PXDNL: variants seen among roughly 807,000 people sequenced by gnomAD.
PXDNL encodes probable oxidoreductase PXDNL.
Under a neutral mutation model 150.8 loss-of-function variants are expected in PXDNL, and 145 were observed. The ratio of observed to expected loss-of-function variants is 0.96; its 90% CI spans 0.84 to 1.10. PXDNL has a LOEUF of 1.10. Ranked by LOEUF, PXDNL falls within the 50% of genes least tolerant of loss-of-function variation. PXDNL has a pLI of 0.00. For missense variants in PXDNL, 2,087 were observed against 1,873.9 expected, an observed-to-expected ratio of 1.11 and a Z score of -2.10; for synonymous variants, 757 against 725.7, an observed-to-expected ratio of 1.04 and a Z score of -0.69.
intron 3 of PXDNL, among the ~76,000 whole-genome samples, chr8:51,588,104 G>A (rs1294604820): frequency 1.3e-5 from 2 of 151,992 alleles, no homozygotes; most frequent in African/African-American, 4.8e-5. Context: ...AAATAGCCAA[G>A]GAACAAACAA....
In PXDNL at chr8:51,413,131, GT is replaced by G. The variant is rs755946632; in HGVS notation, c.1904+18del. 7.2e-7 allele frequency: 1 copy of G among 1,388,558 alleles called. No homozygotes were observed. Among genetic ancestry groups the G allele is most frequent in the Admixed American group, 1.7e-5 (1 of 59,502 alleles). 86.0% of individuals were successfully genotyped at this position (1,388,558 alleles called of 1,614,324 possible). A position where few individuals can be genotyped will look rare whatever the true frequency, so the allele number is the denominator to read the frequency against. On this transcript the variant is annotated intron_variant, in intron 15 of 22. Coordinates refer to ENST00000356297, the MANE Select transcript of PXDNL (RefSeq NM_144651.5). ...AGAAATGAAAACAAGGTTTCAATCT[GT>G]GTAAAATAAATTCTTACTGTGAAAA...
At chr8:51,497,025 C>T (rs2130270250) in intron 5 of PXDNL, among the ~76,000 whole-genome samples, 1 of 152,306 alleles carries the variant, frequency 6.6e-6, no homozygotes, top group East Asian at 1.9e-4. Context: ...CCCTACCTGA[C>T]TTCAAACTAT....
At chr8:51,486,767 TATATATATATATA>T (rs1810750879) in intron 5 of PXDNL, among the ~76,000 whole-genome samples, 9 of 9,300 alleles carry the variant, frequency 9.7e-4, no homozygotes, top group African/African-American at 2.3e-3. Flanking sequence ...TATATATATA[TATATATATATATA>T]TATATATATA....
At chr8:51,701,080 A>G (rs1011601623) in intron 1 of PXDNL, among the ~76,000 whole-genome samples, 3 of 152,058 alleles carry the variant, frequency 2.0e-5, no homozygotes, top group Non-Finnish European at 4.4e-5. Flanking sequence ...TTTCTTATAG[A>G]AAGCTTCCTA....
At chr8:51,520,626 G>A (rs1811642782) in intron 4 of PXDNL, among the ~76,000 whole-genome samples, 1 of 152,042 alleles carries the variant, frequency 6.6e-6, no homozygotes, top group South Asian at 2.1e-4. Context: ...CATCACAAAG[G>A]CCAAACCCGA....
chr8:51,409,534 G>A lies in PXDNL; in HGVS notation c.2090C>T (p.Pro697Leu), dbSNP rs374573903. 6.3e-6 allele frequency: 10 copies of A among 1,599,976 alleles called. No homozygotes were observed. The East Asian group carries it at 1.6e-4, about 25-fold the overall frequency. The change falls in exon 17 of 23, where the codon CCG (proline) becomes CTG (leucine). Residue 697 changes from proline to leucine, a missense_variant. Pro to Leu is a moderately conservative substitution (Grantham distance 98). Transcript: ENST00000356297. Reference protein sequence around the residue: ...KEFRYNDLVSPRSLSLIANLS... With the variant: ...KEFRYNDLVSLRSLSLIANLS... ...ATTGGCGATGAGGCTGAGGGAGCGC[G>A]GGGACACCAAGTCATTGTACCGGAA...
Position 51,408,859 on chromosome 8 carries a change from G to A in PXDNL, c.2765C>T (p.Thr922Ile), listed in dbSNP as rs1808525000. The change falls in exon 17 of 23, where the codon ACA becomes ATA. Residue 922 changes from threonine (T) to isoleucine (I), a missense_variant. Coordinates refer to ENST00000356297, the MANE Select transcript of PXDNL (RefSeq NM_144651.5). ...TCCGGAGGGAGGCCAAGGAAAGCCT[G>A]TCTTCAGGAGACCCCGAGGCACCGA... ...DPSVPRGLLKTGFPWPPSGKP... is the reference protein window; with the variant it reads ...DPSVPRGLLKIGFPWPPSGKP... The A allele has an allele frequency of 6.3e-7, 1 of 1,587,298 alleles. No individual in the cohort carries two copies.
chr8:51,382,482 T>C (rs1478468809), intron 17 of PXDNL, among the ~76,000 whole-genome samples: 4 of 152,320 alleles, frequency 2.6e-5, no homozygotes, highest in Non-Finnish European at 5.9e-5. Flanking sequence ...ACTCCTAATT[T>C]TTAAAACAGT....
intron 14 of PXDNL, among the ~76,000 whole-genome samples, chr8:51,417,255 A>G (rs1808823979): frequency 6.6e-6 from 1 of 152,222 alleles, no homozygotes; most frequent in Non-Finnish European, 1.5e-5. Context: ...GTTAAGTCTC[A>G]GGGTAATAAA....
intron 2 of PXDNL, among the ~76,000 whole-genome samples, chr8:51,625,243 C>G (rs2130742999): frequency 6.6e-6 from 1 of 152,186 alleles, no homozygotes; most frequent in South Asian, 2.1e-4. Flanking sequence ...CGTTAGCATC[C>G]TTAAGATGCT....
At chr8:51,565,486 C>T (rs897632801) in intron 3 of PXDNL, among the ~76,000 whole-genome samples, 1 of 151,582 alleles carries the variant, frequency 6.6e-6, no homozygotes, top group South Asian at 2.1e-4. Context: ...TGCTTAGGTA[C>T]TCTGCACACT....
intron 1 of PXDNL, among the ~76,000 whole-genome samples, chr8:51,740,986 G>A (rs974008639): frequency 2.0e-5 from 3 of 152,186 alleles, no homozygotes; most frequent in Non-Finnish European, 4.4e-5. Flanking sequence ...AAATGAGTTA[G>A]GCAGAAGTTC....
At chr8:51,615,406 T>C (rs1814110429) in intron 2 of PXDNL, among the ~76,000 whole-genome samples, 1 of 152,114 alleles carries the variant, frequency 6.6e-6, no homozygotes, top group South Asian at 2.1e-4. Flanking sequence ...GGCACAAAAA[T>C]ATTTATTTCT....
chr8:51,685,864 G>A (rs1815862085), intron 1 of PXDNL, among the ~76,000 whole-genome samples: 2 of 152,058 alleles, frequency 1.3e-5, no homozygotes, highest in East Asian at 1.9e-4. Flanking sequence ...TATCTGTTAC[G>A]TTTTCCATTA....
chr8:51,344,603 T>A (rs1236097), intron 20 of PXDNL, among the ~76,000 whole-genome samples: 38,118 of 152,120 alleles, frequency 0.25, 5,184 homozygotes, highest in African/African-American at 0.33. Flanking sequence ...TGGATTTCAC[T>A]TCAGTACTCA....
chr8:51,587,441 C>T (rs1813348569), intron 3 of PXDNL, among the ~76,000 whole-genome samples: 2 of 151,898 alleles, frequency 1.3e-5, no homozygotes, highest in African/African-American at 4.8e-5. Flanking sequence ...TTTATTTTTG[C>T]CCAAGGGGAT....
chr8:51,391,552 G>A (rs1008488170), intron 17 of PXDNL, among the ~76,000 whole-genome samples: 15 of 152,206 alleles, frequency 9.9e-5, no homozygotes, highest in African/African-American at 3.4e-4. Context: ...TTTGAGAAGT[G>A]TCTGTTCGTG....
intron 17 of PXDNL, among the ~76,000 whole-genome samples, chr8:51,383,212 G>A (rs1807600919): frequency 1.3e-5 from 2 of 151,920 alleles, no homozygotes; most frequent in Admixed American, 6.6e-5. Flanking sequence ...TTTTTCAATC[G>A]TAGACATTGT....
chr8:51,767,670 A>G (rs1205026767), intron 1 of PXDNL, among the ~76,000 whole-genome samples: 1 of 152,070 alleles, frequency 6.6e-6, no homozygotes, highest in Non-Finnish European at 1.5e-5. Context: ...TCTTTACTGC[A>G]TATTTGCATG....
Sources: gnomAD v4.1 joint callset for allele counts (sites outside exome capture counted in the v4.1 genomes callset) on GRCh38, gnomAD v4.1.1 for gene constraint, MANE v1.5 for transcripts, NCBI Gene and HGNC (gene_info 2026-07-23, HGNC 2026-07-21) for gene names.